Variants in HCRTR2 observed in about 807,000 individuals in gnomAD.
HCRTR2 encodes hypocretin receptor 2.
HCRTR2 carries 22 observed loss-of-function variants against 49.0 expected under a neutral mutation model. That is an observed-to-expected ratio of 0.45 (90% CI 0.32 to 0.64). HCRTR2 has a LOEUF of 0.64. Among genes scored for constraint, HCRTR2 ranks in the 30% least tolerant of loss-of-function variants. HCRTR2 has a pLI of 0.04. For missense variants in HCRTR2, 491 were observed against 559.4 expected (o/e 0.88, Z 1.23); for synonymous variants, 236 against 205.3 (o/e 1.15, Z -1.28).
intron 1 of HCRTR2, among the ~76,000 whole-genome samples, chr6:55,186,890 TG>T (rs1411773912): frequency 3.3e-5 from 5 of 152,172 alleles, no homozygotes; most frequent in African/African-American, 1.2e-4. Context: ...GCCAGTGACT[TG>T]TGCCAATTCT....
At chr6:55,229,475 A>C (rs887456942) in intron 1 of HCRTR2, among the ~76,000 whole-genome samples, 21 of 152,214 alleles carry the variant, frequency 1.4e-4, no homozygotes, top group Non-Finnish European at 2.2e-4. Flanking sequence ...AGTCTTCACA[A>C]AACAACCTAA....
chr6:55,174,862 C>A (rs755232101), intron 1 of HCRTR2, 52 bp downstream of exon 1: 1 of 1,487,646 alleles, frequency 6.7e-7, no homozygotes, highest in Admixed American at 1.7e-5. Context: ...CCTCTCCGCC[C>A]CGGGCTGAGA....
At chr6:55,226,595 C>T (rs1356797546) in intron 1 of HCRTR2, among the ~76,000 whole-genome samples, 2 of 152,050 alleles carry the variant, frequency 1.3e-5, no homozygotes, top group Admixed American at 1.3e-4. Flanking sequence ...AGGTGTGAGC[C>T]ACTGAGCCCT....
At chr6:55,172,391 T>A (rs1331712535), upstream of HCRTR2, among the ~76,000 whole-genome samples, 3 of 152,166 alleles carry the variant, frequency 2.0e-5, no homozygotes, top group African/African-American at 4.8e-5. Context: ...TGTTTTTTTT[T>A]AATCTAACTT....
At chr6:55,253,116 T>C (rs1766584600) in intron 2 of HCRTR2, among the ~76,000 whole-genome samples, 1 of 151,992 alleles carries the variant, frequency 6.6e-6, no homozygotes, top group African/African-American at 2.4e-5. Flanking sequence ...ATTCCAGCTA[T>C]ACTCTTCTGC....
Position 55,174,579 on chromosome 6 carries a change from G to T in HCRTR2, c.-9G>T, listed in dbSNP as rs374161159. 75 of 1,611,356 alleles carry T rather than the reference G, an allele frequency of 4.7e-5. No individual in the cohort carries two copies. Among genetic ancestry groups the T allele is most frequent in the Non-Finnish European group, 6.2e-5 (73 of 1,177,722 alleles). On this transcript the variant is annotated 5_prime_UTR_variant, in exon 1 of 7. Transcript: ENST00000370862. ...TGCAGCATTGAGCGGAACCGGACTT[G>T]AGCCCGTGATGTCCGGCACCAAATT...
intron 1 of HCRTR2, among the ~76,000 whole-genome samples, chr6:55,147,501 G>C (rs971023151): frequency 6.6e-6 from 1 of 152,040 alleles, no homozygotes; most frequent in Non-Finnish European, 1.5e-5. Flanking sequence ...AATAGGTACT[G>C]TTACTATCCT....
intron 1 of HCRTR2, among the ~76,000 whole-genome samples, chr6:55,200,686 A>G (rs555216750): frequency 1.3e-5 from 2 of 152,042 alleles, no homozygotes; most frequent in Non-Finnish European, 2.9e-5. Flanking sequence ...CTAATTTTTG[A>G]TATTTGGTAT....
chr6:55,160,155 A>G (rs1247445863), intron 1 of HCRTR2, among the ~76,000 whole-genome samples: 2 of 152,228 alleles, frequency 1.3e-5, no homozygotes, highest in South Asian at 4.1e-4. Context: ...GAAACCCTAC[A>G]AGCCAGAAGA....
intron 1 of HCRTR2, among the ~76,000 whole-genome samples, chr6:55,183,840 A>G (rs575116953): frequency 2.4e-4 from 37 of 152,322 alleles, no homozygotes; most frequent in African/African-American, 7.5e-4. Flanking sequence ...AAACAAGGAA[A>G]GAAGAGAAAG....
chr6:55,174,769 ACAT>A lies in HCRTR2; in HGVS notation c.187_189del (p.Ile63del). 6.2e-7 allele frequency: 1 copy of A among 1,613,984 alleles called. No homozygotes were observed. ...TATGAGTGGGTCCTGATCGCCGGGT[ACAT>A]CATCGTGTTCGTCGTGGCTCTCATT... is the stretch of plus-strand genomic sequence containing the variant. On this transcript the variant is annotated inframe_deletion, in exon 1 of 7. Coordinates refer to ENST00000370862, the MANE Select transcript of HCRTR2 (RefSeq NM_001384272.1).
At chr6:55,189,877 T>G (rs1253932927) in intron 1 of HCRTR2, among the ~76,000 whole-genome samples, 1 of 152,184 alleles carries the variant, frequency 6.6e-6, no homozygotes, top group African/African-American at 2.4e-5. Flanking sequence ...GTAATATATA[T>G]CAACTGTAGT....
intron 5 of HCRTR2, among the ~76,000 whole-genome samples, chr6:55,279,155 A>G (rs539474534): frequency 1.3e-5 from 2 of 152,260 alleles, no homozygotes; most frequent in Admixed American, 6.5e-5. Context: ...AACTTTTGAA[A>G]AAAAGAACTT....
intron 1 of HCRTR2, among the ~76,000 whole-genome samples, chr6:55,190,295 T>A (rs1243175727): frequency 6.6e-6 from 1 of 152,174 alleles, no homozygotes; most frequent in East Asian, 1.9e-4. Context: ...ACCAATAGGA[T>A]TTGATGACGG....
At chr6:55,217,645 C>T (rs867772875) in intron 1 of HCRTR2, among the ~76,000 whole-genome samples, 1 of 152,134 alleles carries the variant, frequency 6.6e-6, no homozygotes. Context: ...AACCTCATAA[C>T]GGCCTTCATT....
At chr6:55,133,685 CTATCT>C (rs996522631) in intron 1 of HCRTR2, among the ~76,000 whole-genome samples, 1 of 149,978 alleles carries the variant, frequency 6.7e-6, no homozygotes, top group Non-Finnish European at 1.5e-5. Context: ...ATCTATCTAT[CTATCT>C]ATCTATCTAT....
chr6:55,187,439 A>G (rs1469793054), intron 1 of HCRTR2, among the ~76,000 whole-genome samples: 3 of 147,162 alleles, frequency 2.0e-5, no homozygotes, highest in African/African-American at 7.6e-5. Flanking sequence ...AAAAAAAAAA[A>G]AAAAAAAAAA....
chr6:55,154,253 T>C (rs1382046117), intron 1 of HCRTR2, among the ~76,000 whole-genome samples: 2 of 151,952 alleles, frequency 1.3e-5, no homozygotes, highest in African/African-American at 4.8e-5. Flanking sequence ...AAAGAGGGAA[T>C]ATTTTCAAAC....
chr6:55,218,351 G>A lies in HCRTR2; in HGVS notation c.224-30288G>A, dbSNP rs534049416. ...GAGTACAGTAAGAGAGCAAAATACAGATAAAAGTGCTATATGATATATAGA... is the reference window on the plus strand; with the variant it reads ...GAGTACAGTAAGAGAGCAAAATACAAATAAAAGTGCTATATGATATATAGA... On this transcript the variant is annotated intron_variant, in intron 1 of 6. Transcript: ENST00000370862. 4.5e-4 allele frequency among the ~76,000 whole-genome samples: 68 copies of A among 152,220 alleles called. 1 individual carries two copies. The South Asian group carries it at 6.4e-3, about 14-fold the overall frequency.
Sources: gnomAD v4.1 joint callset for allele counts (sites outside exome capture counted in the v4.1 genomes callset) on GRCh38, gnomAD v4.1.1 for gene constraint, MANE v1.5 for transcripts, NCBI Gene and HGNC (gene_info 2026-07-23, HGNC 2026-07-21) for gene names.